C16orf89: variants seen among roughly 807,000 people sequenced by gnomAD.
The protein encoded by C16orf89 is UPF0764 protein C16orf89.
A neutral mutation model predicts 41.5 loss-of-function variants in C16orf89; 57 were observed. That is an observed-to-expected ratio of 1.38 (90% CI 1.11 to 1.71). The LOEUF is 1.71. Ranked by LOEUF, C16orf89 falls within the 40% of genes most tolerant of loss-of-function variation. The pLI is 0.00. For synonymous variants in C16orf89, 223 were observed against 190.6 expected (o/e 1.17, Z -1.40); for missense variants, 575 against 445.9 (o/e 1.29, Z -2.61).
chr16:5,045,103 G>T (rs1254328017), intron 7 of C16orf89, among the ~76,000 whole-genome samples: 2 of 152,252 alleles, frequency 1.3e-5, no homozygotes, highest in African/African-American at 4.8e-5. Context: ...CCTGCGGGGG[G>T]ATCTGGCCTG....
rs950988493 is a variant in C16orf89, at chr16:5,044,401, G to A, written c.1033C>T (p.Pro345Ser). 5 of 1,612,580 alleles carry A rather than the reference G, an allele frequency of 3.1e-6. No homozygotes were observed. In the African/African-American group the frequency reaches 5.3e-5, roughly 17 times the overall value. ...GATGGGTGTGGCTCTCTGTTTGCTGGGGGGTATTCTGCCAGGATGTATAGG... is the reference window on the plus strand; with the variant it reads ...GATGGGTGTGGCTCTCTGTTTGCTGAGGGGTATTCTGCCAGGATGTATAGG... Reference protein sequence around the residue: ...GFLYILAEYPPANREPHPSTP... With the variant: ...GFLYILAEYPSANREPHPSTP... The change falls in exon 8 of 8, where the codon CCA (proline) becomes TCA (serine). Residue 345 changes from proline (P) to serine (S), a missense_variant. Coordinates refer to ENST00000472572, the MANE Select transcript of C16orf89 (RefSeq NM_001098514.3).
At chr16:5,064,651 A>G (rs1885657983) in intron 1 of C16orf89, among the ~76,000 whole-genome samples, 1 of 152,188 alleles carries the variant, frequency 6.6e-6, no homozygotes, top group Non-Finnish European at 1.5e-5. Flanking sequence ...GGCACAGTTC[A>G]CGGGTGTGGT....
chr16:5,056,054 G>C lies in C16orf89; in HGVS notation c.762C>G (p.Asn254Lys). ...AYPTRDIFMENIMFCGMGGFS... is the reference protein window; with the variant it reads ...AYPTRDIFMEKIMFCGMGGFS... ...CCGGGGGCAGAATGCTGGCCATACT[G>C]TTTTCCATGAAGATGTCCCGGGTAG... The change falls in exon 5 of 8, where the codon AAC becomes AAG. Residue 254 changes from asparagine (N) to lysine (K), a missense_variant and splice_region_variant. Physicochemically the swap from Asn to Lys is moderately conservative, Grantham distance 94. Transcript: ENST00000472572. The C allele has an allele frequency of 3.8e-6, 6 of 1,591,954 alleles. No homozygotes were observed. The highest frequency in any genetic ancestry group is 4.3e-6 in the Non-Finnish European group (5 of 1,162,724).
intron 3 of C16orf89, among the ~76,000 whole-genome samples, chr16:5,059,335 G>A (rs1475541433): frequency 1.3e-5 from 2 of 150,928 alleles, no homozygotes; most frequent in Admixed American, 6.6e-5. Context: ...GCATGGTGGC[G>A]CACATCTGTA....
intron 6 of C16orf89, 35 bp downstream of exon 6, chr16:5,055,211 C>A (rs755760123): frequency 7.8e-6 from 12 of 1,529,646 alleles, no homozygotes; most frequent in African/African-American, 1.4e-5. Context: ...ACCCCCACTG[C>A]CCCCCTTCTT....
At chr16:5,061,141 A>G (rs1210754526) in intron 2 of C16orf89, among the ~76,000 whole-genome samples, 1 of 150,874 alleles carries the variant, frequency 6.6e-6, no homozygotes, top group Non-Finnish European at 1.5e-5. Context: ...AGGTGCCTGT[A>G]GTCCCAGCTA....
intron 7 of C16orf89, among the ~76,000 whole-genome samples, chr16:5,045,607 C>T (rs1336822516): frequency 6.6e-6 from 1 of 152,152 alleles, no homozygotes; most frequent in Admixed American, 6.5e-5. Context: ...GCTCATGCCT[C>T]TCAGTGGCCT....
At chr16:5,055,705 G>C in intron 5 of C16orf89, 1 of 1,431,802 alleles carries the variant, frequency 7.0e-7, no homozygotes, top group Non-Finnish European at 9.2e-7. Context: ...TCTGTGTAGA[G>C]CTCCGTCACT....
intron 7 of C16orf89, chr16:5,044,749 CA>C: frequency 9.5e-7 from 1 of 1,050,744 alleles, no homozygotes; most frequent in Non-Finnish European, 1.3e-6. Context: ...GAGGATGAGG[CA>C]AGAGAATTGC....
chr16:5,044,703 G>T (rs1413689429), intron 7 of C16orf89: 8 of 1,038,204 alleles, frequency 7.7e-6, no homozygotes, highest in Middle Eastern at 3.4e-4. Context: ...AATTAGCCAG[G>T]TATGGTGGCA....
At position 5,058,597 on chromosome 16, in the gene C16orf89, C is replaced by T. The variant is rs373700347; in HGVS notation, c.523G>A (p.Glu175Lys). The T allele has an allele frequency of 1.2e-5, 20 of 1,610,986 alleles. No homozygotes were observed. In the African/African-American group the frequency reaches 2.0e-4, roughly 16 times the overall value. The change falls in exon 4 of 8, where the codon GAG becomes AAG. Residue 175 changes from glutamate (E) to lysine (K), a missense_variant. Glu to Lys is a moderately conservative substitution (Grantham distance 56). Transcript: ENST00000472572. ...CAGAGGTCTGAGAGGCCGCAGGGCT[C>T]GCTGCTGTCCGTCCTGGGGGAAAGT... ...QLLGTGTDSS[E>K]PCGLSDLCRS...
chr16:5,055,935 C>T, intron 5 of C16orf89, 118 bp downstream of exon 5: 1 of 1,171,536 alleles, frequency 8.5e-7, no homozygotes, highest in Non-Finnish European at 1.2e-6. Context: ...AATCTGGCAA[C>T]TCCGTGTGTG....
At position 5,062,593 on chromosome 16, in the gene C16orf89, A is replaced by C. The variant is rs1219569822; in HGVS notation, c.209-19T>G. On this transcript the variant is annotated intron_variant, in intron 1 of 7. Coordinates refer to ENST00000472572, the MANE Select transcript of C16orf89 (RefSeq NM_001098514.3). ...AGCTGCTCTGGAAGGGAACAGAGTTAATTCATTCAACTATTTGGAATCGGG... is the reference window on the plus strand; with the variant it reads ...AGCTGCTCTGGAAGGGAACAGAGTTCATTCATTCAACTATTTGGAATCGGG... The C allele has an allele frequency of 3.8e-6, 6 of 1,564,948 alleles. No homozygotes were observed. Among genetic ancestry groups the C allele is most frequent in the East Asian group, 2.3e-5 (1 of 43,560 alleles).
intron 1 of C16orf89, 145 bp downstream of exon 1, chr16:5,065,556 C>T (rs1243413057): frequency 3.1e-6 from 3 of 972,846 alleles, no homozygotes; most frequent in South Asian, 1.8e-5. Flanking sequence ...GAAGATCCAG[C>T]CCCTGGCCTC....
intron 6 of C16orf89, among the ~76,000 whole-genome samples, chr16:5,054,557 C>G (rs559419075): frequency 6.6e-6 from 1 of 152,164 alleles, no homozygotes; most frequent in Non-Finnish European, 1.5e-5. Context: ...TTCCTCAGGC[C>G]TCTAGTTTTC....
intron 6 of C16orf89, among the ~76,000 whole-genome samples, chr16:5,049,764 A>T (rs1956363959): frequency 6.6e-6 from 1 of 152,210 alleles, no homozygotes; most frequent in African/African-American, 2.4e-5. Flanking sequence ...AAAGATTTCA[A>T]ATAACGAACT....
intron 1 of C16orf89, among the ~76,000 whole-genome samples, chr16:5,063,515 T>C (rs574622329): frequency 2.9e-4 from 44 of 152,038 alleles, no homozygotes; most frequent in African/African-American, 1.1e-3. Flanking sequence ...AGGAGGTGAG[T>C]GGTGGGTGAG....
chr16:5,056,378 C>T (rs566640038), intron 4 of C16orf89, among the ~76,000 whole-genome samples, 190 bp from the exon 5 acceptor site: 6 of 152,250 alleles, frequency 3.9e-5, no homozygotes, highest in African/African-American at 1.2e-4. Flanking sequence ...CTGCTGGGTT[C>T]GAGATCCAGC....
At chr16:5,056,028 C>G in intron 5 of C16orf89, 25 bp downstream of exon 5, 1 of 1,571,392 alleles carries the variant, frequency 6.4e-7, no homozygotes. Flanking sequence ...GTTCCTTTGC[C>G]CCGGGGGCAG....
Sources: allele counts gnomAD v4.1 joint callset (sites outside exome capture counted in the v4.1 genomes callset), GRCh38; gene constraint gnomAD v4.1.1; transcripts MANE v1.5; gene names NCBI Gene and HGNC (gene_info 2026-07-23, HGNC 2026-07-21).